HTR7: variants seen among roughly 807,000 people sequenced by gnomAD.
The protein encoded by HTR7 is 5-HT-7.
Under a neutral mutation model 34.0 loss-of-function variants are expected in HTR7, and 16 were observed. That is an observed-to-expected ratio of 0.47 (90% confidence interval 0.32 to 0.71). The LOEUF is 0.71. Among genes scored for constraint, HTR7 ranks in the 30% least tolerant of loss-of-function variants. The pLI is 0.04. For synonymous variants in HTR7, 265 were observed against 260.2 expected, an observed-to-expected ratio of 1.02 and a Z score of -0.18; for missense variants, 504 against 625.5, an observed-to-expected ratio of 0.81 and a Z score of 2.07.
chr10:90,758,300 G>A lies in HTR7; in HGVS notation c.540-8706C>T, dbSNP rs187376551. Among the ~76,000 whole-genome samples, 191 of 119,844 alleles carry A rather than the reference G, an allele frequency of 1.6e-3. 2 individuals are homozygous for A. Among genetic ancestry groups the A allele is most frequent in the African/African-American group, 5.8e-3 (179 of 31,068 alleles). The allele number at this position is 119,844 out of a possible 152,430, so 78.6% of individuals were successfully genotyped here. A position where few individuals can be genotyped will look rare whatever the true frequency, so the allele number is the denominator to read the frequency against. The stretch of plus-strand genomic sequence containing the variant: ...GCGGAGGTTGCAGTGAGCAGAGATC[G>A]TGCCACTGCACTCCAGCCTGGGCGA... On this transcript the variant is annotated intron_variant, in intron 1 of 3. Transcript: ENST00000336152.
At position 90,809,776 on chromosome 10, in the gene HTR7, C is replaced by T. The variant is rs181534248; in HGVS notation, c.539+47357G>A. Among the ~76,000 whole-genome samples, 1,301 of 152,288 alleles carry T rather than the reference C, an allele frequency of 8.5e-3. 12 individuals are homozygous for T. Among genetic ancestry groups the T allele is most frequent in the African/African-American group, 0.029 (1,216 of 41,566 alleles). On this transcript the variant is annotated intron_variant, in intron 1 of 3. Coordinates refer to ENST00000336152, the MANE Select transcript of HTR7 (RefSeq NM_019859.4). ...CCTCCTAAGTCACGTCCCATCTGTG[C>T]AGGACCCCACTGGAAATCGGACTGT...
intron 1 of HTR7, among the ~76,000 whole-genome samples, chr10:90,839,500 T>G (rs1846296689): frequency 6.6e-6 from 1 of 152,110 alleles, no homozygotes; most frequent in Non-Finnish European, 1.5e-5. Context: ...TTTTAGAGAA[T>G]GGAATATGTT....
intron 1 of HTR7, among the ~76,000 whole-genome samples, chr10:90,767,528 A>G (rs1312405557): frequency 6.6e-6 from 1 of 152,068 alleles, no homozygotes; most frequent in Non-Finnish European, 1.5e-5. Flanking sequence ...ATATGGCCAT[A>G]TATTCTTTGC....
chr10:90,809,027 C>T (rs1391041236), intron 1 of HTR7, among the ~76,000 whole-genome samples: 1 of 152,182 alleles, frequency 6.6e-6, no homozygotes. Flanking sequence ...TCTTTCCCTC[C>T]CGCCTGTCCC....
At chr10:90,786,339 T>C (rs1271004095) in intron 1 of HTR7, among the ~76,000 whole-genome samples, 2 of 152,214 alleles carry the variant, frequency 1.3e-5, no homozygotes, top group Non-Finnish European at 2.9e-5. Flanking sequence ...TAGGTATGTG[T>C]TCATGGTTCT....
intron 1 of HTR7, among the ~76,000 whole-genome samples, chr10:90,845,849 C>T (rs1846407607): frequency 6.6e-6 from 1 of 152,170 alleles, no homozygotes. Context: ...CCCCCTGGAC[C>T]CTTCACTCCG....
chr10:90,806,277 T>C (rs1845704972), intron 1 of HTR7, among the ~76,000 whole-genome samples: 1 of 152,030 alleles, frequency 6.6e-6, no homozygotes, highest in African/African-American at 2.4e-5. Flanking sequence ...TCATCCATGG[T>C]ATGGAGCTGC....
intron 1 of HTR7, among the ~76,000 whole-genome samples, chr10:90,813,814 A>G (rs1349032814): frequency 6.6e-6 from 1 of 152,210 alleles, no homozygotes; most frequent in African/African-American, 2.4e-5. Flanking sequence ...GGCGCTGGCC[A>G]GGCAAAGACT....
chr10:90,776,214 T>C (rs932414243), intron 1 of HTR7, among the ~76,000 whole-genome samples: 2 of 152,330 alleles, frequency 1.3e-5, no homozygotes, highest in Admixed American at 6.5e-5. Flanking sequence ...CTGTTCTCAG[T>C]ACTATTTCAT....
intron 1 of HTR7, among the ~76,000 whole-genome samples, chr10:90,797,274 C>T (rs750771984): frequency 2.6e-5 from 4 of 152,142 alleles, no homozygotes; most frequent in African/African-American, 7.2e-5. Context: ...TCAACCCACA[C>T]ATTTTACGGA....
intron 1 of HTR7, among the ~76,000 whole-genome samples, chr10:90,811,384 T>C (rs996517168): frequency 8.6e-5 from 13 of 150,694 alleles, no homozygotes; most frequent in Non-Finnish European, 1.2e-4. Context: ...CTGATGCCTA[T>C]ACTTTCTGCT....
At chr10:90,747,266 C>A (rs1844654434) in intron 2 of HTR7, among the ~76,000 whole-genome samples, 1 of 152,194 alleles carries the variant, frequency 6.6e-6, no homozygotes, top group African/African-American at 2.4e-5. Flanking sequence ...AAGCACTGTA[C>A]TAGATTCTGC....
At chr10:90,744,071 G>A (rs570884642) in intron 2 of HTR7, 1 of 380,118 alleles carries the variant, frequency 2.6e-6, no homozygotes, top group African/African-American at 2.1e-5. Context: ...GGCAGAGCAA[G>A]GCGAAAAGGT....
chr10:90,804,186 T>G (rs1043720701), intron 1 of HTR7, among the ~76,000 whole-genome samples: 6 of 152,032 alleles, frequency 3.9e-5, no homozygotes, highest in Non-Finnish European at 7.4e-5. Flanking sequence ...AAGATCACCT[T>G]CTTCCCGCAC....
intron 1 of HTR7, among the ~76,000 whole-genome samples, chr10:90,820,688 C>T (rs1845965364): frequency 6.6e-6 from 1 of 152,164 alleles, no homozygotes; most frequent in African/African-American, 2.4e-5. Context: ...CCTAGCACTA[C>T]AGTAAAGGCA....
chr10:90,856,604 G>A (rs1017396740), intron 1 of HTR7, among the ~76,000 whole-genome samples: 2 of 152,192 alleles, frequency 1.3e-5, no homozygotes, highest in Non-Finnish European at 2.9e-5. Flanking sequence ...ACTTCCACAA[G>A]CAAGAATGCG....
At chr10:90,839,935 T>C (rs1394898509) in intron 1 of HTR7, among the ~76,000 whole-genome samples, 2 of 152,030 alleles carry the variant, frequency 1.3e-5, no homozygotes, top group Non-Finnish European at 2.9e-5. Flanking sequence ...TTTTCTGACA[T>C]GAATGAAATA....
chr10:90,743,879 C>T (rs1323679768), intron 2 of HTR7, 189 bp from the exon 3 acceptor site: 1 of 708,268 alleles, frequency 1.4e-6, no homozygotes, highest in East Asian at 2.8e-5. Flanking sequence ...AGCTTTTCCT[C>T]CATCTATTCA....
At chr10:90,846,989 C>T (rs1432074181) in intron 1 of HTR7, among the ~76,000 whole-genome samples, 1 of 152,238 alleles carries the variant, frequency 6.6e-6, no homozygotes, top group Non-Finnish European at 1.5e-5. Flanking sequence ...GATTCACTGC[C>T]TCTGTGTTCC....
Sources: allele counts gnomAD v4.1 joint callset (sites outside exome capture counted in the v4.1 genomes callset), GRCh38; gene constraint gnomAD v4.1.1; transcripts MANE v1.5; gene names NCBI Gene and HGNC (gene_info 2026-07-23, HGNC 2026-07-21).